The following ZNF385B variants were observed in gnomAD, a reference collection of about 807,000 sequenced individuals.
ZNF385B encodes zinc finger protein 533.
In ZNF385B, 23 loss-of-function variants were observed where a neutral mutation model predicts 39.2. The ratio of observed to expected loss-of-function variants is 0.59; its 90% CI spans 0.42 to 0.83. ZNF385B has a LOEUF of 0.83. ZNF385B is among the 40% of genes least tolerant of loss of function. The pLI, the probability that ZNF385B is intolerant of heterozygous loss-of-function variation, is 0.00. For synonymous variants in ZNF385B, 205 were observed against 222.6 expected, an observed-to-expected ratio of 0.92 and a Z score of 0.70; for missense variants, 552 against 598.9, an observed-to-expected ratio of 0.92 and a Z score of 0.82.
At chr2:179,508,912 T>A (rs2057448767) in intron 5 of ZNF385B, among the ~76,000 whole-genome samples, 1 of 151,986 alleles carries the variant, frequency 6.6e-6, no homozygotes, top group African/African-American at 2.4e-5. Context: ...TAGTTAAATA[T>A]AAGATTTGAT....
At chr2:179,745,625 A>ACC in intron 3 of ZNF385B, 2 of 1,151,492 alleles carry the variant, frequency 1.7e-6, no homozygotes, top group Non-Finnish European at 2.4e-6. Flanking sequence ...ACAATTGAGG[A>ACC]CTCCACAGGA....
At chr2:179,733,253 C>T (rs1184717228) in intron 3 of ZNF385B, among the ~76,000 whole-genome samples, 1 of 152,182 alleles carries the variant, frequency 6.6e-6, no homozygotes, top group Non-Finnish European at 1.5e-5. Flanking sequence ...ACAAGGGCAA[C>T]AGGCTGGATC....
In ZNF385B at chr2:179,654,155, C is replaced by A. The variant is rs1415922468; in HGVS notation, c.299-109186G>T. ...CTCACCAATGGCACTGAATCTTAACCTAAAGGGAGATCCCATGTGAAAAGG... is the reference window on the plus strand; with the variant it reads ...CTCACCAATGGCACTGAATCTTAACATAAAGGGAGATCCCATGTGAAAAGG... On this transcript the variant is annotated intron_variant, in intron 3 of 9. Transcript: ENST00000410066. Among the ~76,000 whole-genome samples the A allele has an allele frequency of 3.9e-5, 6 of 152,164 alleles. No individual in the cohort carries two copies. The South Asian group carries it at 8.3e-4, about 21-fold the overall frequency.
At chr2:179,663,601 T>G (rs1008364735) in intron 3 of ZNF385B, among the ~76,000 whole-genome samples, 1 of 149,774 alleles carries the variant, frequency 6.7e-6, no homozygotes, top group Non-Finnish European at 1.5e-5. Flanking sequence ...TCCCAGCTAA[T>G]CGGGAGGCTG....
At chr2:179,744,646 A>C (rs1368704270) in intron 3 of ZNF385B, among the ~76,000 whole-genome samples, 1 of 151,866 alleles carries the variant, frequency 6.6e-6, no homozygotes, top group East Asian at 1.9e-4. Context: ...TATAACTTTA[A>C]AGCTGAAAGC....
intron 3 of ZNF385B, among the ~76,000 whole-genome samples, chr2:179,753,720 T>A (rs945697370): frequency 1.3e-5 from 2 of 152,206 alleles, no homozygotes; most frequent in African/African-American, 4.8e-5. Flanking sequence ...AGTTCACTCA[T>A]GATTTGGCTC....
chr2:179,828,401 A>G (rs888274744), intron 1 of ZNF385B, among the ~76,000 whole-genome samples: 4 of 152,226 alleles, frequency 2.6e-5, no homozygotes, highest in African/African-American at 9.6e-5. Flanking sequence ...AGCCCACCAT[A>G]TTACACACAA....
chr2:179,720,113 G>T (rs1010859565), intron 3 of ZNF385B, among the ~76,000 whole-genome samples: 5 of 152,122 alleles, frequency 3.3e-5, no homozygotes, highest in Admixed American at 2.6e-4. Context: ...ACAACATTGG[G>T]AGAGGGTAAA....
chr2:179,469,687 A>C (rs1304488622), intron 6 of ZNF385B, among the ~76,000 whole-genome samples: 1 of 152,116 alleles, frequency 6.6e-6, no homozygotes, highest in African/African-American at 2.4e-5. Context: ...GAGAAGGTTA[A>C]AGGCCCTTCT....
chr2:179,794,586 A>C (rs1380280032), intron 1 of ZNF385B, among the ~76,000 whole-genome samples: 3 of 152,158 alleles, frequency 2.0e-5, no homozygotes, highest in Non-Finnish European at 4.4e-5. Context: ...CCTAATATTA[A>C]TAACTGTTTG....
chr2:179,547,390 G>A (rs1216840519), intron 3 of ZNF385B, among the ~76,000 whole-genome samples: 1 of 149,470 alleles, frequency 6.7e-6, no homozygotes, highest in African/African-American at 2.5e-5. Flanking sequence ...TTTTATTTTT[G>A]TATATGGTGA....
intron 1 of ZNF385B, among the ~76,000 whole-genome samples, chr2:179,835,454 T>C (rs190605578): frequency 9.2e-5 from 14 of 152,280 alleles, no homozygotes; most frequent in Non-Finnish European, 2.1e-4. Context: ...CTAGACCTAA[T>C]GGAATACACA....
chr2:179,635,628 G>C (rs1171292485), intron 3 of ZNF385B, among the ~76,000 whole-genome samples: 13 of 152,010 alleles, frequency 8.6e-5, no homozygotes, highest in Admixed American at 5.9e-4. Flanking sequence ...ATCATAGCAA[G>C]TTATTTAAAT....
At chr2:179,779,672 C>T (rs1159701241) in intron 1 of ZNF385B, among the ~76,000 whole-genome samples, 1 of 152,146 alleles carries the variant, frequency 6.6e-6, no homozygotes, top group Non-Finnish European at 1.5e-5. Flanking sequence ...ATTCCAAACA[C>T]TTGGAGAAGA....
At chr2:179,453,894 G>A (rs2050406881) in intron 6 of ZNF385B, among the ~76,000 whole-genome samples, 1 of 152,112 alleles carries the variant, frequency 6.6e-6, no homozygotes, top group African/African-American at 2.4e-5. Flanking sequence ...GACAGCATCT[G>A]GACATCTGTC....
At chr2:179,737,395 C>CT (rs35741676) in intron 3 of ZNF385B, among the ~76,000 whole-genome samples, 1 of 151,326 alleles carries the variant, frequency 6.6e-6, no homozygotes, top group African/African-American at 2.4e-5. Flanking sequence ...CAGAAACTCC[C>CT]TTTTTTTTTC....
At chr2:179,765,964 G>C (rs1454139763) in intron 3 of ZNF385B, among the ~76,000 whole-genome samples, 1 of 151,346 alleles carries the variant, frequency 6.6e-6, no homozygotes, top group Non-Finnish European at 1.5e-5. Flanking sequence ...TGGCTAGGGA[G>C]ACACTGCTGG....
chr2:179,457,792 A>C (rs982390924), intron 6 of ZNF385B, among the ~76,000 whole-genome samples: 4 of 152,166 alleles, frequency 2.6e-5, no homozygotes, highest in Non-Finnish European at 5.9e-5. Flanking sequence ...CCTTTGTCAG[A>C]TATACACATC....
intron 3 of ZNF385B, among the ~76,000 whole-genome samples, chr2:179,630,174 A>G (rs1691064027): frequency 6.6e-6 from 1 of 152,248 alleles, no homozygotes; most frequent in Non-Finnish European, 1.5e-5. Context: ...TTCTCCAAGC[A>G]TGGCGTTTGA....
Sources: allele counts gnomAD v4.1 joint callset (sites outside exome capture counted in the v4.1 genomes callset), GRCh38; gene constraint gnomAD v4.1.1; transcripts MANE v1.5; gene names NCBI Gene and HGNC (gene_info 2026-07-23, HGNC 2026-07-21).